Variants in ACTN1 observed in about 807,000 individuals in gnomAD.
ACTN1 encodes alpha-actinin-1.
In ACTN1, 30 loss-of-function variants were observed where a neutral mutation model predicts 119.6. The observed-to-expected ratio is 0.25, with a 90% CI of 0.19 to 0.34. The LOEUF (loss-of-function observed/expected upper bound fraction) is 0.34, where lower values mean the gene tolerates loss of function less well. Among genes scored for constraint, ACTN1 ranks in the 10% least tolerant of loss-of-function variants. The pLI is 1.00. For missense variants in ACTN1, 764 were observed against 1,223.4 expected, an observed-to-expected ratio of 0.62 and a Z score of 5.60; for synonymous variants, 429 against 472.6, an observed-to-expected ratio of 0.91 and a Z score of 1.20.
chr14:68,879,131 G>T lies in ACTN1; in HGVS notation c.2281-62C>A. 1 of 1,533,898 alleles carries T rather than the reference G, an allele frequency of 6.5e-7. No homozygotes were observed. The highest frequency in any genetic ancestry group is 8.8e-7 in the Non-Finnish European group (1 of 1,140,638). ...TGTCAGGGAGGTGGAGCCGTGAGGG[G>T]GGCATGCCCCGGGGGAGGGTGGCGT... On this transcript the variant is annotated intron_variant, in intron 18 of 21. Transcript: ENST00000394419. The surrounding 1 kb of genome is among the most constrained non-coding windows in gnomAD (Gnocchi z 4.9).
Position 68,909,844 on chromosome 14 carries a change from C to T in ACTN1, c.515+111G>A. On this transcript the variant is annotated intron_variant, in intron 5 of 21. Transcript: ENST00000394419. The surrounding 1 kb of genome is among the most constrained non-coding windows in gnomAD (Gnocchi z 4.1). The stretch of plus-strand genomic sequence containing the variant: ...TCCCAAGGAAAGCTACTTCTTCCCC[C>T]AGAGGTCTCCACTTTGTTCTAAAGC... The T allele has an allele frequency of 1.2e-6, 1 of 853,880 alleles. No homozygotes were observed. Among genetic ancestry groups the T allele is most frequent in the Non-Finnish European group, 1.9e-6 (1 of 527,518 alleles). The allele number at this position is 853,880 out of a possible 1,614,324, so 52.9% of individuals were successfully genotyped here.
At chr14:68,901,233 GTTTTGT>G (rs2033302318) in intron 8 of ACTN1, among the ~76,000 whole-genome samples, 2 of 129,230 alleles carry the variant, frequency 1.5e-5, no homozygotes, top group Admixed American at 7.9e-5. Flanking sequence ...TTTTTGTTTT[GTTTTGT>G]TTTTGTTTTG....
chr14:68,960,440 C>T (rs558846367), intron 1 of ACTN1, among the ~76,000 whole-genome samples: 2 of 152,270 alleles, frequency 1.3e-5, no homozygotes, highest in Admixed American at 1.3e-4. Context: ...GTGTACATGT[C>T]TATCAAATCA....
chr14:68,878,362 C>G lies in ACTN1; in HGVS notation c.2427+96G>C. 2 of 1,477,232 alleles carry G rather than the reference C, an allele frequency of 1.4e-6. No individual in the cohort carries two copies. 91.5% of individuals were successfully genotyped at this position (1,477,232 alleles called of 1,614,324 possible). A position where few individuals can be genotyped will look rare whatever the true frequency, so the allele number is the denominator to read the frequency against. ...CTCCTCCAGGGAGGGCAGCCCCTAG[C>G]CTGAGGGCCTCCAGCCTGCCACTCC... On this transcript the variant is annotated intron_variant, in intron 20 of 21. Coordinates refer to ENST00000394419, the MANE Select transcript of ACTN1 (RefSeq NM_001130004.2). This position sits in a 1 kb window ranked among gnomAD's most constrained non-coding sequence, Gnocchi z 4.4.
intron 1 of ACTN1, among the ~76,000 whole-genome samples, chr14:68,976,484 C>A (rs1402351146): frequency 6.6e-6 from 1 of 152,198 alleles, no homozygotes; most frequent in African/African-American, 2.4e-5. Context: ...CTGAGGCCCA[C>A]GAAAGATAAT....
intron 11 of ACTN1, chr14:68,887,083 T>C (rs2032080784): frequency 5.8e-6 from 1 of 173,768 alleles, no homozygotes; most frequent in African/African-American, 2.4e-5. Context: ...AGCCATGTAG[T>C]GTAATTCTTT....
At chr14:68,940,293 A>G (rs1463162388) in intron 1 of ACTN1, among the ~76,000 whole-genome samples, 3 of 152,076 alleles carry the variant, frequency 2.0e-5, no homozygotes, top group African/African-American at 7.2e-5. Flanking sequence ...GCTCTGGGTC[A>G]CTCAATTCCA....
Position 68,902,553 on chromosome 14 carries a change from C to G in ACTN1, c.686G>C (p.Gly229Ala). Residue 229 changes from glycine (G) to alanine (A), a missense_variant, in exon 8 of 22, where the codon GGA (glycine) becomes GCA (alanine). By Grantham distance (60) the Gly-to-Ala change is moderately conservative. This residue lies in a region of ACTN1 where 544 missense variants were observed against 912.0 expected (regional missense o/e 0.60). Coordinates refer to ENST00000394419, the MANE Select transcript of ACTN1 (RefSeq NM_001130004.2). ...GGCTTTCTCATCCGGTCGGGCAGTT[C>G]CAACGATGTCTGTCAAGAAAAATCT... Reference protein sequence around the residue: ...PKMLDAEDIVGTARPDEKAIM... With the variant: ...PKMLDAEDIVATARPDEKAIM... 1 of 1,613,660 alleles carries G rather than the reference C, an allele frequency of 6.2e-7. No individual in the cohort carries two copies. The highest frequency in any genetic ancestry group is 8.5e-7 in the Non-Finnish European group (1 of 1,179,724).
chr14:68,959,505 G>C (rs1424501340), intron 1 of ACTN1, among the ~76,000 whole-genome samples: 10 of 152,206 alleles, frequency 6.6e-5, no homozygotes, highest in African/African-American at 1.9e-4. Flanking sequence ...ATAAACACTT[G>C]ATACTTCCAA....
chr14:68,885,670 TG>T lies in ACTN1; in HGVS notation c.1235-96del, dbSNP rs922946080. 1.2e-5 allele frequency: 17 copies of T among 1,411,532 alleles called. No homozygotes were observed. In the African/African-American group the frequency reaches 2.4e-4, roughly 20 times the overall value. 87.4% of individuals were successfully genotyped at this position (1,411,532 alleles called of 1,614,324 possible). On this transcript the variant is annotated intron_variant, in intron 11 of 21. Transcript: ENST00000394419. This position sits in a 1 kb window ranked among gnomAD's most constrained non-coding sequence, Gnocchi z 5.6. ...CTCAGGGCCCCAGGAGCTCCACTTC[TG>T]GGGGTGCTTCTCAAGGAGGTGCCCA...
intron 11 of ACTN1, chr14:68,888,168 T>C: frequency 2.0e-6 from 1 of 508,040 alleles, no homozygotes; most frequent in Non-Finnish European, 3.6e-6. Flanking sequence ...GCCTGGCCGC[T>C]GCCACTCCTC....
chr14:68,973,377 AGAGT>A (rs1422435520), intron 1 of ACTN1, among the ~76,000 whole-genome samples: 1 of 152,056 alleles, frequency 6.6e-6, no homozygotes, highest in East Asian at 1.9e-4. Context: ...TGTTCTCGTG[AGAGT>A]GAGTTCTCAC....
At chr14:68,969,577 G>C (rs1435505962) in intron 1 of ACTN1, among the ~76,000 whole-genome samples, 1 of 152,264 alleles carries the variant, frequency 6.6e-6, no homozygotes, top group African/African-American at 2.4e-5. Flanking sequence ...ACAACAGAGG[G>C]GCTTCTTGGA....
At chr14:68,894,889 A>C (rs1399149254) in intron 8 of ACTN1, among the ~76,000 whole-genome samples, 6 of 152,190 alleles carry the variant, frequency 3.9e-5, no homozygotes, top group Non-Finnish European at 7.3e-5. Context: ...TGTAAGGAAG[A>C]GCTTCCTGAG....
intron 11 of ACTN1, 100 bp downstream of exon 11, chr14:68,890,030 GACCAAATGA>G: frequency 1.3e-6 from 2 of 1,483,002 alleles, no homozygotes; most frequent in Non-Finnish European, 1.8e-6. Context: ...ACTAGTAAGA[GACCAAATGA>G]AACAAATGAA....
At position 68,948,620 on chromosome 14, in the gene ACTN1, C is replaced by T. The variant is rs116235023; in HGVS notation, c.106-22948G>A. Reference sequence around the variant, plus strand: ...GGTTTTCTGATCCCTATTTTAGAGACGGAAAAACAGGCTCGAGAGGGTTAA... The same window carrying T: ...GGTTTTCTGATCCCTATTTTAGAGATGGAAAAACAGGCTCGAGAGGGTTAA... On this transcript the variant is annotated intron_variant, in intron 1 of 21. Coordinates refer to ENST00000394419, the MANE Select transcript of ACTN1 (RefSeq NM_001130004.2). Among the ~76,000 whole-genome samples the T allele has an allele frequency of 3.1e-3, 472 of 152,188 alleles. 1 individual carries two copies. The highest frequency in any genetic ancestry group is 0.01 in the African/African-American group (428 of 41,524).
At chr14:68,940,109 T>C (rs973854022) in intron 1 of ACTN1, among the ~76,000 whole-genome samples, 6 of 152,216 alleles carry the variant, frequency 3.9e-5, no homozygotes, top group Non-Finnish European at 5.9e-5. Context: ...TACAGTTTGG[T>C]CCTGCTGTAA....
intron 14 of ACTN1, 89 bp downstream of exon 14, chr14:68,884,079 T>C (rs2031795088): frequency 7.3e-7 from 1 of 1,361,380 alleles, no homozygotes; most frequent in Non-Finnish European, 9.9e-7. Flanking sequence ...ATGCTCTTCC[T>C]CAGGGGGCAG....
At chr14:68,969,143 C>T (rs1264642036) in intron 1 of ACTN1, among the ~76,000 whole-genome samples, 1 of 152,016 alleles carries the variant, frequency 6.6e-6, no homozygotes, top group Non-Finnish European at 1.5e-5. Context: ...ACACAATGAA[C>T]CTCTAAATAT....
Sources: allele counts gnomAD v4.1 joint callset (sites outside exome capture counted in the v4.1 genomes callset), GRCh38; gene constraint gnomAD v4.1.1; regional missense constraint gnomAD v4.1.1; non-coding constraint Gnocchi (gnomAD v3.1); transcripts MANE v1.5; gene names NCBI Gene and HGNC (gene_info 2026-07-23, HGNC 2026-07-21).